Variants in HGF observed in about 807,000 individuals in gnomAD.
The protein encoded by HGF is fibroblast-derived tumor cytotoxic factor.
HGF carries 39 observed loss-of-function variants against 111.6 expected under a neutral mutation model. The ratio of observed to expected loss-of-function variants is 0.35; its 90% confidence interval spans 0.27 to 0.46. HGF has a LOEUF of 0.46. Ranked by LOEUF, HGF falls within the 20% of genes least tolerant of loss-of-function variation. The probability of loss-of-function intolerance (pLI) is 1.00; values close to 1 mark genes in which losing one functional copy is unlikely to be tolerated. For synonymous variants in HGF, 285 were observed against 294.8 expected, an observed-to-expected ratio of 0.97 and a Z score of 0.34; for missense variants, 735 against 910.5, an observed-to-expected ratio of 0.81 and a Z score of 2.48.
intron 11 of HGF, among the ~76,000 whole-genome samples, chr7:81,716,100 G>A (rs1789705692): frequency 6.6e-6 from 1 of 152,062 alleles, no homozygotes; most frequent in Non-Finnish European, 1.5e-5. Flanking sequence ...CGTATTACTA[G>A]ACATCAGTGG....
chr7:81,756,393 G>T (rs544300683), intron 4 of HGF: 2 of 237,760 alleles, frequency 8.4e-6, no homozygotes, highest in South Asian at 2.6e-4. Flanking sequence ...AAACTACTTT[G>T]GTTTCTGATA....
intron 12 of HGF, among the ~76,000 whole-genome samples, chr7:81,711,138 T>G (rs894579298): frequency 1.4e-4 from 21 of 152,304 alleles, no homozygotes; most frequent in East Asian, 9.6e-4. Flanking sequence ...TCTCCTGAAT[T>G]CAGCATCCTA....
intron 5 of HGF, among the ~76,000 whole-genome samples, chr7:81,747,354 G>A (rs1788310652): frequency 6.6e-6 from 1 of 151,980 alleles, no homozygotes; most frequent in Admixed American, 6.5e-5. Context: ...ATAAAAAAAA[G>A]AAGTTCTAAG....
chr7:81,743,046 T>C, intron 7 of HGF: 1 of 1,037,538 alleles, frequency 9.6e-7, no homozygotes, highest in Non-Finnish European at 1.5e-6. Flanking sequence ...GCTGCACACA[T>C]TTCCGATCTT....
At chr7:81,755,842 T>C in intron 4 of HGF, 4 of 544,848 alleles carry the variant, frequency 7.3e-6, no homozygotes, top group Non-Finnish European at 1.3e-5. Flanking sequence ...TTGTTTTCTG[T>C]TATTGAAATG....
At chr7:81,736,812 A>G (rs1055327409) in intron 7 of HGF, 14 of 445,322 alleles carry the variant, frequency 3.1e-5, no homozygotes, top group South Asian at 2.3e-4. Flanking sequence ...AAATATAGAT[A>G]GGCGGTAACA....
chr7:81,721,754 C>T (rs1176321216), intron 9 of HGF, among the ~76,000 whole-genome samples: 1 of 152,120 alleles, frequency 6.6e-6, no homozygotes, highest in Non-Finnish European at 1.5e-5. Context: ...CACTTTGTTC[C>T]ATCACTGGTG....
chr7:81,704,566 C>T (rs1789372055), intron 17 of HGF, among the ~76,000 whole-genome samples: 3 of 151,756 alleles, frequency 2.0e-5, no homozygotes, highest in Non-Finnish European at 3.0e-5. Flanking sequence ...TAAACATTTT[C>T]TCTTCTTTTC....
intron 13 of HGF, 56 bp downstream of exon 13, chr7:81,710,091 T>C (rs1314976935): frequency 3.7e-5 from 44 of 1,182,780 alleles, no homozygotes; most frequent in Non-Finnish European, 5.3e-5. Flanking sequence ...TTTCTGGGAA[T>C]AGGACTCTCT....
At chr7:81,703,905 A>G (rs1377340617) in intron 17 of HGF, among the ~76,000 whole-genome samples, 1 of 151,790 alleles carries the variant, frequency 6.6e-6, no homozygotes, top group African/African-American at 2.4e-5. Flanking sequence ...TATATAAACT[A>G]TGCCAGTTGA....
chr7:81,743,505 T>A, intron 6 of HGF, 34 bp from the exon 7 acceptor site: 1 of 1,380,040 alleles, frequency 7.2e-7, no homozygotes, highest in Non-Finnish European at 1.0e-6. Flanking sequence ...GTCACGTAAA[T>A]CTGCCTGGAA....
At chr7:81,713,989 CGTGTGTGT>C (rs10539468) in intron 11 of HGF, among the ~76,000 whole-genome samples, 2,975 of 142,408 alleles carry the variant, frequency 0.021, 112 homozygotes, top group African/African-American at 0.072. Flanking sequence ...GGTGTGTGTG[CGTGTGTGT>C]GTGTGTGTGT....
intron 10 of HGF, among the ~76,000 whole-genome samples, chr7:81,718,419 A>T (rs1171432234): frequency 6.6e-6 from 1 of 152,106 alleles, no homozygotes; most frequent in African/African-American, 2.4e-5. Flanking sequence ...ATGTCACATG[A>T]CTTGCAAACA....
At chr7:81,730,606 G>A (rs184621872) in intron 7 of HGF, among the ~76,000 whole-genome samples, 144 of 149,956 alleles carry the variant, frequency 9.6e-4, no homozygotes, top group African/African-American at 3.3e-3. Flanking sequence ...CTTACTATAC[G>A]TCATGAAGAT....
chr7:81,739,323 T>C (rs1321742517), intron 7 of HGF, among the ~76,000 whole-genome samples: 1 of 152,174 alleles, frequency 6.6e-6, no homozygotes, highest in African/African-American at 2.4e-5. Context: ...TTGAATAGTC[T>C]TTTATTCTTC....
At chr7:81,713,950 G>A (rs906526474) in intron 11 of HGF, among the ~76,000 whole-genome samples, 1 of 151,276 alleles carries the variant, frequency 6.6e-6, no homozygotes, top group African/African-American at 2.4e-5. Flanking sequence ...ACATGTCAAT[G>A]ATAAAAGTTT....
At chr7:81,741,262 G>A (rs74565175) in intron 7 of HGF, among the ~76,000 whole-genome samples, 15,980 of 151,844 alleles carry the variant, frequency 0.11, 1,035 homozygotes, top group Middle Eastern at 0.18. Context: ...AGTGATATAG[G>A]TTTGGCTTAC....
At chr7:81,704,513 T>C (rs1190751105) in intron 17 of HGF, among the ~76,000 whole-genome samples, 1 of 151,842 alleles carries the variant, frequency 6.6e-6, no homozygotes. Context: ...AATCTGTTTC[T>C]AACCATATCA....
chr7:81,753,405 T>C (rs1223988151), intron 4 of HGF, among the ~76,000 whole-genome samples: 1 of 152,064 alleles, frequency 6.6e-6, no homozygotes, highest in African/African-American at 2.4e-5. Context: ...TTATTTCTAC[T>C]TTTACTGAGA....
Sources: gnomAD v4.1 joint callset for allele counts (sites outside exome capture counted in the v4.1 genomes callset) on GRCh38, gnomAD v4.1.1 for gene constraint, MANE v1.5 for transcripts, NCBI Gene and HGNC (gene_info 2026-07-23, HGNC 2026-07-21) for gene names.